Variants in ZNF786 observed in about 807,000 individuals in gnomAD.
The protein encoded by ZNF786 is zinc finger protein 786.
In ZNF786, 56 loss-of-function variants were observed where a neutral mutation model predicts 63.1. The ratio of observed to expected loss-of-function variants is 0.89; its 90% CI spans 0.72 to 1.11. The LOEUF is 1.11. ZNF786 is among the 50% of genes least tolerant of loss of function. ZNF786 has a pLI of 0.00. For missense variants in ZNF786, 1,213 were observed against 1,041.8 expected, an observed-to-expected ratio of 1.16 and a Z score of -2.26; for synonymous variants, 485 against 406.9, an observed-to-expected ratio of 1.19 and a Z score of -2.31.
At position 149,071,772 on chromosome 7, in the gene ZNF786, T is replaced by C. The variant is rs1422070142; in HGVS notation, c.1000A>G (p.Ser334Gly). 1.9e-6 allele frequency: 3 copies of C among 1,583,770 alleles called. No homozygotes were observed. The highest frequency in any genetic ancestry group is 2.6e-6 in the Non-Finnish European group (3 of 1,170,678). Residue 334 changes from serine (S) to glycine (G), a missense_variant, in exon 4 of 4, where the codon AGC becomes GGC. Transcript: ENST00000491431. The part of the protein sequence containing the change: ...ASWREGRGAS[S>G]SVHSGQKPGS... ...GGTTTCTGTCCCGAGTGCACACTGC[T>C]GGAGGCCCCGCGGCCTTCTCTCCAA... is the stretch of plus-strand genomic sequence containing the variant.
At chr7:149,074,653 A>G in intron 2 of ZNF786, 115 bp from the exon 3 acceptor site, 1 of 1,257,676 alleles carries the variant, frequency 8.0e-7, no homozygotes, top group South Asian at 1.6e-5. Flanking sequence ...ATGTCAAAAA[A>G]AAAAAAACAG....
Position 149,070,956 on chromosome 7 carries a change from C to T in ZNF786, c.1816G>A (p.Gly606Arg), listed in dbSNP as rs1825398579. The change falls in exon 4 of 4, where the codon GGG becomes AGG. Residue 606 changes from glycine to arginine, a missense_variant. By Grantham distance (125) the Gly-to-Arg change is moderately radical. Coordinates refer to ENST00000491431, the MANE Select transcript of ZNF786 (RefSeq NM_152411.4). Reference sequence around the variant, plus strand: ...AGGCGCTGATGGCTGAGCAGCTGCCCCTTCAGGCGGAAGCTCCTGTTGCAC... The same window carrying T: ...AGGCGCTGATGGCTGAGCAGCTGCCTCTTCAGGCGGAAGCTCCTGTTGCAC... Reference protein sequence around the residue: ...PECNRSFRLKGQLLSHQRLHT... With the variant: ...PECNRSFRLKRQLLSHQRLHT... 2 of 1,613,316 alleles carry T rather than the reference C, an allele frequency of 1.2e-6. No individual in the cohort carries two copies. The highest frequency in any genetic ancestry group is 1.7e-6 in the Non-Finnish European group (2 of 1,179,888).
chr7:149,076,120 G>T (rs1825543450), intron 2 of ZNF786, among the ~76,000 whole-genome samples: 1 of 151,550 alleles, frequency 6.6e-6, no homozygotes. Context: ...CTGGGTTTTT[G>T]TTTTGTTTTT....
At position 149,072,021 on chromosome 7, in the gene ZNF786, G is replaced by T; in HGVS notation, c.751C>A (p.Arg251=). 1 of 1,613,102 alleles carries T rather than the reference G, an allele frequency of 6.2e-7. No individual in the cohort carries two copies. Among genetic ancestry groups the T allele is most frequent in the Non-Finnish European group, 8.5e-7 (1 of 1,179,808 alleles). The part of the protein sequence containing the change: ...RCGVCGKSFR[R]KLCLLRHLAA... ...AGATGGCGCAGCAGACACAGCTTCC[G>T]GCGGAAGCTCTTACCGCACACGCCA... The change falls in exon 4 of 4, where the codon CGG becomes AGG. Residue 251 remains arginine, a synonymous_variant. Transcript: ENST00000491431.
At chr7:149,082,054 CT>C (rs1191188825) in intron 1 of ZNF786, among the ~76,000 whole-genome samples, 3 of 152,178 alleles carry the variant, frequency 2.0e-5, no homozygotes, top group Non-Finnish European at 4.4e-5. Context: ...TGGTTTGGCT[CT>C]GTGTCCCCAC....
chr7:149,070,273 T>C lies in ZNF786; in HGVS notation c.*150A>G, dbSNP rs1361536134. 4.1e-6 allele frequency: 4 copies of C among 970,422 alleles called. No homozygotes were observed. The highest frequency in any genetic ancestry group is 1.7e-5 in the South Asian group (1 of 58,872). The allele number at this position is 970,422 out of a possible 1,614,324, so 60.1% of individuals were successfully genotyped here. On this transcript the variant is annotated 3_prime_UTR_variant, in exon 4 of 4. Coordinates refer to ENST00000491431, the MANE Select transcript of ZNF786 (RefSeq NM_152411.4). ...ATGCTTCTGAAGAGAAAATCCTTTG[T>C]GGTTCTTCATATTCCTAACTTGCAT... is the stretch of plus-strand genomic sequence containing the variant.
chr7:149,088,164 A>G (rs1201414676), intron 1 of ZNF786, among the ~76,000 whole-genome samples: 1 of 151,944 alleles, frequency 6.6e-6, no homozygotes, highest in African/African-American at 2.4e-5. Context: ...CACCACGTCC[A>G]GCTAATTTTT....
rs570764947 is a variant in ZNF786 at position 149,082,998 on chromosome 7, C to T, written c.19-2281G>A. The stretch of plus-strand genomic sequence containing the variant: ...GCAACCTCCACCACCCTGGTTCAAG[C>T]GATTCCCCTGCCTCAGCCTCCTGAG... On this transcript the variant is annotated intron_variant, in intron 1 of 3. Transcript: ENST00000491431. Among the ~76,000 whole-genome samples, 18 of 151,694 alleles carry T rather than the reference C, an allele frequency of 1.2e-4. No homozygotes were observed. In the South Asian group the frequency reaches 3.1e-3, roughly 26 times the overall value.
intron 2 of ZNF786, among the ~76,000 whole-genome samples, chr7:149,076,690 G>T (rs1825556595): frequency 7.0e-6 from 1 of 143,432 alleles, no homozygotes; most frequent in African/African-American, 2.6e-5. Context: ...CTGCACTCCA[G>T]CCTGGGCAAG....
In ZNF786 at chr7:149,080,654, C is replaced by T. The variant is rs1825634666; in HGVS notation, c.82G>A (p.Ala28Thr). 1.9e-6 allele frequency: 3 copies of T among 1,611,598 alleles called. No individual in the cohort carries two copies. The highest frequency in any genetic ancestry group is 2.2e-5 in the South Asian group (2 of 90,488). Residue 28 changes from alanine (A) to threonine (T), a missense_variant, in exon 2 of 4, where the codon GCA (alanine) becomes ACA (threonine). Coordinates refer to ENST00000491431, the MANE Select transcript of ZNF786 (RefSeq NM_152411.4). ...TGCTTGTAAAGTTCCTTCTGCCATG[C>T]CTCTAGATCCTGCCATTCTTGCTCG... ...FSEQEWQDLE[A>T]WQKELYKHVM...
In ZNF786 at chr7:149,070,286, T is replaced by G; in HGVS notation, c.*137A>C. On this transcript the variant is annotated 3_prime_UTR_variant, in exon 4 of 4. Coordinates refer to ENST00000491431, the MANE Select transcript of ZNF786 (RefSeq NM_152411.4). The stretch of plus-strand genomic sequence containing the variant: ...GAAAATCCTTTGTGGTTCTTCATAT[T>G]CCTAACTTGCATGACACTCTTGCTC... 9.0e-7 allele frequency: 1 copy of G among 1,109,664 alleles called. No individual in the cohort carries two copies. Among genetic ancestry groups the G allele is most frequent in the Non-Finnish European group, 1.3e-6 (1 of 774,846 alleles). 68.7% of individuals were successfully genotyped at this position (1,109,664 alleles called of 1,614,324 possible).
At position 149,070,540 on chromosome 7, in the gene ZNF786, C is replaced by T. The variant is rs751206918; in HGVS notation, c.2232G>A (p.Lys744=). The change falls in exon 4 of 4, where the codon AAG becomes AAA. Residue 744 remains lysine, a synonymous_variant. Coordinates refer to ENST00000491431, the MANE Select transcript of ZNF786 (RefSeq NM_152411.4). ...CGDCGKGFIY[K]SKLAEHIRVH... ...CTCTGATGTGCTCCGCAAGCTTAGA[C>T]TTGTAAATGAAGCCCTTCCCACAAT... The T allele has an allele frequency of 1.2e-6, 2 of 1,614,048 alleles. No individual in the cohort carries two copies. Among genetic ancestry groups the T allele is most frequent in the South Asian group, 2.2e-5 (2 of 91,086 alleles).
chr7:149,083,118 G>C (rs1825678613), intron 1 of ZNF786, among the ~76,000 whole-genome samples: 1 of 152,020 alleles, frequency 6.6e-6, no homozygotes, highest in Admixed American at 6.6e-5. Context: ...GGCTGGTCTT[G>C]AACTCCTACC....
intron 1 of ZNF786, among the ~76,000 whole-genome samples, chr7:149,082,209 G>T (rs1318002494): frequency 6.6e-6 from 1 of 152,144 alleles, no homozygotes; most frequent in African/African-American, 2.4e-5. Context: ...TGTAGCACTT[G>T]CCCCTTCGCT....
At chr7:149,079,687 C>G (rs1290454499) in intron 2 of ZNF786, among the ~76,000 whole-genome samples, 1 of 148,372 alleles carries the variant, frequency 6.7e-6, no homozygotes, top group African/African-American at 2.5e-5. Flanking sequence ...TCTCCTGCCT[C>G]AGTCTCCTGA....
In ZNF786 at chr7:149,072,020, C is replaced by T. The variant is rs1238876566; in HGVS notation, c.752G>A (p.Arg251Gln). 1 of 1,613,020 alleles carries T rather than the reference C, an allele frequency of 6.2e-7. No individual in the cohort carries two copies. Among genetic ancestry groups the T allele is most frequent in the South Asian group, 1.1e-5 (1 of 91,070 alleles). Residue 251 changes from arginine (R) to glutamine (Q), a missense_variant, in exon 4 of 4, where the codon CGG (arginine) becomes CAG (glutamine). Coordinates refer to ENST00000491431, the MANE Select transcript of ZNF786 (RefSeq NM_152411.4). ...RCGVCGKSFR[R>Q]KLCLLRHLAA... Reference sequence around the variant, plus strand: ...CAGATGGCGCAGCAGACACAGCTTCCGGCGGAAGCTCTTACCGCACACGCC... The same window carrying T: ...CAGATGGCGCAGCAGACACAGCTTCTGGCGGAAGCTCTTACCGCACACGCC...
At position 149,071,179 on chromosome 7, in the gene ZNF786, G is replaced by A. The variant is rs764647968; in HGVS notation, c.1593C>T (p.His531=). 73 of 1,611,634 alleles carry A rather than the reference G, an allele frequency of 4.5e-5. No homozygotes were observed. Among genetic ancestry groups the A allele is most frequent in the Non-Finnish European group, 5.9e-5 (69 of 1,179,016 alleles). ...GGCACTGGAAGGGCCTCTCCCCGCT[G>A]TGCACTCTCAGGTGCTCACGGAGCT... is the stretch of plus-strand genomic sequence containing the variant. ...QCKLREHLRV[H]SGERPFQCLK... Residue 531 remains histidine (H), a synonymous_variant, in exon 4 of 4, where the codon CAC becomes CAT. Transcript: ENST00000491431.
In ZNF786 at chr7:149,072,102, T is replaced by C. The variant is rs776772101; in HGVS notation, c.670A>G (p.Arg224Gly). ...CTCCACGGCATCTGCGTCTCCGCCC[T>C]CTTGTTGAATTTCTCCCAGGCCCTA... ...TRRAWEKFNK[R>G]AETQMPWSSP... Residue 224 changes from arginine (R) to glycine (G), a missense_variant, in exon 4 of 4, where the codon AGG (arginine) becomes GGG (glycine). Transcript: ENST00000491431. The C allele has an allele frequency of 5.6e-6, 9 of 1,613,094 alleles. No individual in the cohort carries two copies. Among genetic ancestry groups the C allele is most frequent in the South Asian group, 4.4e-5 (4 of 90,976 alleles).
At position 149,072,163 on chromosome 7, in the gene ZNF786, T is replaced by G; in HGVS notation, c.609A>C (p.Val203=). ...GESCWENNHL[V]MHQRGHSKDR... is the part of the protein sequence containing the mutation. ...CCTTTGAGTGGCCTCTCTGGTGCAT[T>G]ACTAAATGGTTGTTCTCCCAACAGC... Residue 203 remains valine, a synonymous_variant, in exon 4 of 4, where the codon GTA becomes GTC. Coordinates refer to ENST00000491431, the MANE Select transcript of ZNF786 (RefSeq NM_152411.4). 1 of 1,613,210 alleles carries G rather than the reference T, an allele frequency of 6.2e-7. No homozygotes were observed. The highest frequency in any genetic ancestry group is 8.5e-7 in the Non-Finnish European group (1 of 1,179,724).
Sources: gnomAD v4.1 joint callset for allele counts (sites outside exome capture counted in the v4.1 genomes callset) on GRCh38, gnomAD v4.1.1 for gene constraint, MANE v1.5 for transcripts, NCBI Gene and HGNC (gene_info 2026-07-23, HGNC 2026-07-21) for gene names.